The following SHOC1 variants were observed in gnomAD, a reference collection of about 807,000 sequenced individuals.
SHOC1 encodes the protein shortage in chiasmata 1, also known as protein shortage in chiasmata 1 ortholog.
In SHOC1, 136 loss-of-function variants were observed where a neutral mutation model predicts 179.2. That is an observed-to-expected ratio of 0.76 (90% CI 0.66 to 0.87). SHOC1 has a LOEUF of 0.87. Ranked by LOEUF, SHOC1 falls within the 40% of genes least tolerant of loss-of-function variation. The pLI is 0.00. For missense variants in SHOC1, 1,538 were observed against 1,700.8 expected, an observed-to-expected ratio of 0.90 and a Z score of 1.68; for synonymous variants, 489 against 586.6, an observed-to-expected ratio of 0.83 and a Z score of 2.41.
chr9:111,716,470 A>G (rs368732452), intron 16 of SHOC1, among the ~76,000 whole-genome samples: 1 of 131,220 alleles, frequency 7.6e-6, no homozygotes, highest in African/African-American at 3.0e-5. Context: ...GGCTCACTGC[A>G]GCCTGTGCCT....
At chr9:111,689,329 CAAT>C (rs564391953) in intron 27 of SHOC1, among the ~76,000 whole-genome samples, 2 of 128,958 alleles carry the variant, frequency 1.6e-5, no homozygotes, top group African/African-American at 2.8e-5. Context: ...AAGACTCTGT[CAAT>C]AATAATAATA....
chr9:111,706,634 G>A lies in SHOC1; in HGVS notation c.2671C>T (p.His891Tyr). The A allele has an allele frequency of 6.2e-7, 1 of 1,607,930 alleles. No individual in the cohort carries two copies. Among genetic ancestry groups the A allele is most frequent in the Non-Finnish European group, 8.5e-7 (1 of 1,176,558 alleles). Residue 891 changes from histidine (H) to tyrosine (Y), a missense_variant, in exon 20 of 28, where the codon CAC (histidine) becomes TAC (tyrosine). Transcript: ENST00000682961. Reference sequence around the variant, plus strand: ...TAAGGAATATTCAACTCTTTGCAGTGTTTAGTCCAACAAGAGTCTTCCACA... The same window carrying A: ...TAAGGAATATTCAACTCTTTGCAGTATTTAGTCCAACAAGAGTCTTCCACA... The part of the protein sequence containing the change: ...NYVEDSCWTK[H>Y]CKELNIPYMA...
chr9:111,727,595 C>A, intron 13 of SHOC1, 38 bp downstream of exon 13: 1 of 1,503,528 alleles, frequency 6.7e-7, no homozygotes, highest in Non-Finnish European at 8.9e-7. Flanking sequence ...GTCCTTGAGC[C>A]TACCATATCT....
chr9:111,718,216 A>G lies in SHOC1; in HGVS notation c.2204T>C (p.Val735Ala). ...TGTGTCCAAGCTGCATGTTAAAAGG[A>G]CATCTCTAATTGTTACCAGAAGATG... ...LLHLLVTIRD[V>A]LLTCSLDTAL... Residue 735 changes from valine (V) to alanine (A), a missense_variant, in exon 16 of 28, where the codon GTC becomes GCC. Physicochemically the swap from Val to Ala is moderately conservative, Grantham distance 64 (BLOSUM62 0). Coordinates refer to ENST00000682961, the MANE Select transcript of SHOC1 (RefSeq NM_001378211.1). 1 of 1,599,662 alleles carries G rather than the reference A, an allele frequency of 6.3e-7. No individual in the cohort carries two copies. The highest frequency in any genetic ancestry group is 8.5e-7 in the Non-Finnish European group (1 of 1,175,316).
In SHOC1 at chr9:111,738,469, T is replaced by A. The variant is rs965708188; in HGVS notation, c.1228A>T (p.Ile410Leu). The change falls in exon 12 of 28, where the codon ATA (isoleucine) becomes TTA (leucine). Residue 410 changes from isoleucine (I) to leucine (L), a missense_variant. By Grantham distance (5) the Ile-to-Leu change is conservative. Transcript: ENST00000682961. ...AGGCTTTCTTCTTTAACAGAAAATA[T>A]CTTTTTCAAATCTGTAACTGAATAT... is the stretch of plus-strand genomic sequence containing the variant. ...SQYSVTDLKK[I>L]FSVKEESLVI... 34 of 1,603,744 alleles carry A rather than the reference T, an allele frequency of 2.1e-5. No individual in the cohort carries two copies. The highest frequency in any genetic ancestry group is 2.8e-5 in the Non-Finnish European group (33 of 1,177,284).
At chr9:111,746,449 A>C in intron 9 of SHOC1, 107 bp from the exon 10 acceptor site, 4 of 628,602 alleles carry the variant, frequency 6.4e-6, no homozygotes, top group Non-Finnish European at 1.1e-5. Context: ...CTGAGGTAGG[A>C]GGATCACTTG....
intron 24 of SHOC1, among the ~76,000 whole-genome samples, chr9:111,694,619 A>C (rs1260344642): frequency 6.6e-6 from 1 of 152,052 alleles, no homozygotes; most frequent in East Asian, 1.9e-4. Context: ...GGCATTTATT[A>C]ACAGAGTCAT....
intron 16 of SHOC1, among the ~76,000 whole-genome samples, chr9:111,717,616 A>G (rs1206305945): frequency 2.0e-5 from 3 of 151,696 alleles, no homozygotes; most frequent in Non-Finnish European, 2.9e-5. Context: ...AAAAAAGTCT[A>G]AATAATCTTG....
Position 111,690,146 on chromosome 9 carries a change from G to A in SHOC1, c.4426+1405C>T, listed in dbSNP as rs186971328. Among the ~76,000 whole-genome samples, 200 of 152,208 alleles carry A rather than the reference G, an allele frequency of 1.3e-3. 1 individual carries two copies. Among genetic ancestry groups the A allele is most frequent in the Middle Eastern group, 0.01 (3 of 294 alleles). On this transcript the variant is annotated intron_variant, in intron 27 of 27. Transcript: ENST00000682961. ...GCATATTAAAAGAATCTCTTAGGCC[G>A]GGCCAGGTGGCTCACTCCTGTAATC...
chr9:111,791,010 C>T (rs1333433050), intron 2 of SHOC1, among the ~76,000 whole-genome samples: 1 of 152,072 alleles, frequency 6.6e-6, no homozygotes, highest in African/African-American at 2.4e-5. Flanking sequence ...TTTTGAGTGC[C>T]AATATGATGC....
chr9:111,738,213 T>A, intron 12 of SHOC1, 67 bp downstream of exon 12: 1 of 1,408,302 alleles, frequency 7.1e-7, no homozygotes, highest in Non-Finnish European at 9.7e-7. Context: ...CTAGAGGAAA[T>A]CCAGAATCTA....
In SHOC1 at chr9:111,703,986, G is replaced by A. The variant is rs1832123039; in HGVS notation, c.2862C>T (p.Asn954=). 1.3e-6 allele frequency: 2 copies of A among 1,531,666 alleles called. No individual in the cohort carries two copies. The highest frequency in any genetic ancestry group is 1.4e-5 in the African/African-American group (1 of 73,118). The allele number at this position is 1,531,666 out of a possible 1,614,324, so 94.9% of individuals were successfully genotyped here. The change falls in exon 22 of 28, where the codon AAC becomes AAT. Residue 954 remains asparagine (N), a synonymous_variant. Transcript: ENST00000682961. ...TGCAGCCTCTCTCTACTAGTGAGAT[G>A]TTATAGCTGTAAAATACAATATTCT... ...DILQLLESNY[N]ISLVERGCSE...
chr9:111,702,364 A>G (rs947699088), intron 22 of SHOC1, 138 bp from the exon 23 acceptor site: 2 of 589,512 alleles, frequency 3.4e-6, no homozygotes, highest in South Asian at 4.2e-5. Context: ...TTTCATGGAA[A>G]AATTAAAATC....
chr9:111,705,218 T>C (rs2131355253), intron 21 of SHOC1, 29 bp downstream of exon 21: 1 of 1,099,906 alleles, frequency 9.1e-7, no homozygotes, highest in Non-Finnish European at 1.3e-6. Flanking sequence ...ATGTACACTT[T>C]TGTTAAAATT....
intron 12 of SHOC1, among the ~76,000 whole-genome samples, chr9:111,737,314 A>T (rs1385045938): frequency 1.3e-5 from 2 of 152,234 alleles, no homozygotes. Context: ...CCCAACATAG[A>T]CAGTAATTTC....
intron 3 of SHOC1, among the ~76,000 whole-genome samples, chr9:111,785,581 G>A (rs1328950300): frequency 6.6e-6 from 1 of 151,990 alleles, no homozygotes; most frequent in African/African-American, 2.4e-5. Context: ...TTTATATTCG[G>A]TGTGCCATTA....
intron 15 of SHOC1, among the ~76,000 whole-genome samples, chr9:111,720,215 A>C (rs939334180): frequency 1.3e-5 from 2 of 152,240 alleles, no homozygotes; most frequent in African/African-American, 4.8e-5. Context: ...CTCTAAGAGA[A>C]GTCCTCATTT....
At position 111,741,516 on chromosome 9, in the gene SHOC1, T is replaced by C; in HGVS notation, c.1134A>G (p.Leu378=). ...SANEYYMMWQ[L]ERCRSPLNPF... Reference sequence around the variant, plus strand: ...GGTTCAAAGGGCTTCTACATCTTTCTAATTGCCACATCATGTAGTATTCAT... The same window carrying C: ...GGTTCAAAGGGCTTCTACATCTTTCCAATTGCCACATCATGTAGTATTCAT... Residue 378 remains leucine, a synonymous_variant, in exon 11 of 28, where the codon TTA becomes TTG. Transcript: ENST00000682961. 1 of 1,612,724 alleles carries C rather than the reference T, an allele frequency of 6.2e-7. No individual in the cohort carries two copies. Among genetic ancestry groups the C allele is most frequent in the Non-Finnish European group, 8.5e-7 (1 of 1,179,226 alleles).
At chr9:111,730,243 C>T (rs1050128312) in intron 12 of SHOC1, among the ~76,000 whole-genome samples, 1 of 152,116 alleles carries the variant, frequency 6.6e-6, no homozygotes, top group Non-Finnish European at 1.5e-5. Flanking sequence ...TTCTATCTTG[C>T]TAATGTTGAT....
Sources: allele counts gnomAD v4.1 joint callset (sites outside exome capture counted in the v4.1 genomes callset), GRCh38; gene constraint gnomAD v4.1.1; transcripts MANE v1.5; gene names NCBI Gene and HGNC (gene_info 2026-07-23, HGNC 2026-07-21).